Variants in MEI4 observed in about 807,000 individuals in gnomAD.
MEI4 encodes meiosis-specific protein MEI4.
Under a neutral mutation model 31.4 loss-of-function variants are expected in MEI4, and 27 were observed. That is an observed-to-expected ratio of 0.86 (90% CI 0.63 to 1.19). MEI4 has a LOEUF of 1.19. MEI4 is among the 50% of genes most tolerant of loss of function. The probability of loss-of-function intolerance (pLI) is 0.00; values close to 1 mark genes in which losing one functional copy is unlikely to be tolerated. For missense variants in MEI4, 329 were observed against 398.9 expected (o/e 0.82, Z 1.49); for synonymous variants, 122 against 145.4 (o/e 0.84, Z 1.16).
intron 3 of MEI4, among the ~76,000 whole-genome samples, chr6:77,828,384 T>C (rs966491955): frequency 3.3e-5 from 5 of 152,016 alleles, no homozygotes; most frequent in Non-Finnish European, 7.4e-5. Context: ...TAGATTCTCA[T>C]AGGAGTGCAA....
At chr6:77,908,156 G>T (rs1401409141) in intron 4 of MEI4, among the ~76,000 whole-genome samples, 1 of 152,034 alleles carries the variant, frequency 6.6e-6, no homozygotes, top group African/African-American at 2.4e-5. Flanking sequence ...AGATTAATTA[G>T]ATCCCATTTG....
intron 1 of MEI4, among the ~76,000 whole-genome samples, chr6:77,675,769 A>G (rs1768833486): frequency 6.6e-6 from 1 of 152,144 alleles, no homozygotes; most frequent in Non-Finnish European, 1.5e-5. Flanking sequence ...TCATGTGCAC[A>G]TTCCTTCCTG....
In MEI4 at chr6:77,829,171, T is replaced by C. The variant is rs2127711366; in HGVS notation, c.900+109T>C. On this transcript the variant is annotated intron_variant, in intron 4 of 4. Transcript: ENST00000684080. The stretch of plus-strand genomic sequence containing the variant: ...CTTTCCAGGCTGATGTTTTAGTTAT[T>C]ACCTTATGTCTAATATATGTGAGTA... 5 of 784,424 alleles carry C rather than the reference T, an allele frequency of 6.4e-6. No homozygotes were observed. The East Asian group carries it at 1.7e-4, about 27-fold the overall frequency. 48.6% of individuals were successfully genotyped at this position (784,424 alleles called of 1,614,324 possible).
intron 3 of MEI4, among the ~76,000 whole-genome samples, chr6:77,783,984 G>C (rs112450499): frequency 2.0e-5 from 3 of 152,080 alleles, no homozygotes; most frequent in Non-Finnish European, 4.4e-5. Flanking sequence ...TGAATTAAGA[G>C]AAATCAAGTT....
chr6:77,686,033 T>C (rs1769047938), intron 1 of MEI4, among the ~76,000 whole-genome samples: 1 of 152,052 alleles, frequency 6.6e-6, no homozygotes, highest in Non-Finnish European at 1.5e-5. Context: ...TCACTTGAGA[T>C]CTGGTTGTGA....
intron 4 of MEI4, among the ~76,000 whole-genome samples, chr6:77,863,538 GA>G (rs1164619405): frequency 2.0e-5 from 3 of 151,944 alleles, no homozygotes; most frequent in Non-Finnish European, 2.9e-5. Flanking sequence ...AGAGAAAAAA[GA>G]AAAAAAGAAA....
At chr6:77,865,763 A>G (rs2127723037) in intron 4 of MEI4, among the ~76,000 whole-genome samples, 1 of 152,316 alleles carries the variant, frequency 6.6e-6, no homozygotes, top group Admixed American at 6.5e-5. Context: ...AAAGCCTGGC[A>G]GAGACACAAC....
chr6:77,854,492 A>G (rs945869671), intron 4 of MEI4, among the ~76,000 whole-genome samples: 14 of 149,226 alleles, frequency 9.4e-5, no homozygotes, highest in African/African-American at 3.0e-4. Flanking sequence ...CATCTTTTTT[A>G]GTAAGATAAA....
intron 4 of MEI4, among the ~76,000 whole-genome samples, chr6:77,835,731 CATGTTT>C (rs1770204806): frequency 6.6e-6 from 1 of 151,908 alleles, no homozygotes; most frequent in African/African-American, 2.4e-5. Context: ...TTCATTTCAG[CATGTTT>C]ATAATAGCTT....
chr6:77,917,498 G>C (rs1766589065), intron 4 of MEI4, among the ~76,000 whole-genome samples: 1 of 149,102 alleles, frequency 6.7e-6, no homozygotes, highest in Non-Finnish European at 1.5e-5. Flanking sequence ...TTGTGGTTTT[G>C]ATTTGCATTT....
chr6:77,841,334 T>TATATATA (rs1554168570), intron 4 of MEI4, among the ~76,000 whole-genome samples: 431 of 32,384 alleles, frequency 0.013, 1 homozygote, highest in African/African-American at 0.015. Context: ...TATATATATA[T>TATATATA]TTTTTTTTTT....
intron 1 of MEI4, among the ~76,000 whole-genome samples, chr6:77,678,132 T>G (rs182757070): frequency 1.5e-4 from 23 of 152,298 alleles, no homozygotes; most frequent in Non-Finnish European, 2.6e-4. Flanking sequence ...TCAGATGAAA[T>G]AGATTTATGC....
chr6:77,759,644 T>C (rs574656900), intron 2 of MEI4, among the ~76,000 whole-genome samples: 1 of 152,332 alleles, frequency 6.6e-6, no homozygotes, highest in African/African-American at 2.4e-5. Flanking sequence ...ATTGCCCATA[T>C]TCAGTCAGTA....
intron 4 of MEI4, among the ~76,000 whole-genome samples, chr6:77,914,073 T>G (rs1438085041): frequency 2.0e-5 from 3 of 151,638 alleles, no homozygotes; most frequent in Non-Finnish European, 1.5e-5. Context: ...TTATATTGTT[T>G]ATATGAGTTT....
At chr6:77,893,258 A>ACGTGTAG (rs1320545511) in intron 4 of MEI4, among the ~76,000 whole-genome samples, 2 of 152,034 alleles carry the variant, frequency 1.3e-5, no homozygotes, top group African/African-American at 4.8e-5. Context: ...GGCTACAAGA[A>ACGTGTAG]CCATTTTTTT....
At chr6:77,900,271 CAGT>C (rs1357890857) in intron 4 of MEI4, among the ~76,000 whole-genome samples, 4 of 152,042 alleles carry the variant, frequency 2.6e-5, no homozygotes, top group African/African-American at 7.2e-5. Flanking sequence ...TTATGGAAAA[CAGT>C]AGGGAGATTC....
chr6:77,749,891 C>G (rs1464437305), intron 2 of MEI4, among the ~76,000 whole-genome samples: 2 of 152,124 alleles, frequency 1.3e-5, no homozygotes, highest in Admixed American at 6.6e-5. Flanking sequence ...TACCCACAAA[C>G]AGAAGCCCAC....
chr6:77,891,568 C>G (rs977340136), intron 4 of MEI4, among the ~76,000 whole-genome samples: 4 of 151,988 alleles, frequency 2.6e-5, no homozygotes, highest in African/African-American at 9.7e-5. Flanking sequence ...TCTTGTATCT[C>G]ACTGTTTCTT....
chr6:77,835,379 C>G (rs1156925086), intron 4 of MEI4, among the ~76,000 whole-genome samples: 1 of 78,356 alleles, frequency 1.3e-5, no homozygotes, highest in Admixed American at 1.1e-4. Flanking sequence ...ACAAAACACA[C>G]ACACACACAC....
Sources: gnomAD v4.1 joint callset for allele counts (sites outside exome capture counted in the v4.1 genomes callset) on GRCh38, gnomAD v4.1.1 for gene constraint, MANE v1.5 for transcripts, NCBI Gene and HGNC (gene_info 2026-07-23, HGNC 2026-07-21) for gene names.